The following SV2C variants were observed in gnomAD, a reference collection of about 807,000 sequenced individuals.
SV2C encodes synaptic vesicle glycoprotein 2C, also known as solute carrier family 22 member B3.
In SV2C, 49 loss-of-function variants were observed where a neutral mutation model predicts 79.7. The observed-to-expected ratio is 0.61, with a 90% CI of 0.49 to 0.78. The LOEUF is 0.78. SV2C is among the 30% of genes least tolerant of loss of function. SV2C has a pLI of 0.00. For missense variants in SV2C, 833 were observed against 912.9 expected (o/e 0.91, Z 1.13); for synonymous variants, 334 against 333.2 (o/e 1.00, Z -0.03).
chr5:75,847,859 C>T, the SV2C span, among the ~76,000 whole-genome samples: 1 of 152,150 alleles, frequency 6.6e-6, no homozygotes, highest in African/African-American at 2.4e-5. Flanking sequence ...CACCTATGCA[C>T]CTGTCTCCAC....
At chr5:76,069,862 A>T in the SV2C span, among the ~76,000 whole-genome samples, 4 of 150,688 alleles carry the variant, frequency 2.7e-5, no homozygotes, top group African/African-American at 9.7e-5. Flanking sequence ...ACACACAAAC[A>T]CACACACACA....
chr5:75,919,850 T>C, the SV2C span, among the ~76,000 whole-genome samples: 1 of 152,228 alleles, frequency 6.6e-6, no homozygotes, highest in East Asian at 1.9e-4. Flanking sequence ...TGCTTTGGTA[T>C]AATTTACTCT....
the SV2C span, among the ~76,000 whole-genome samples, chr5:75,953,002 G>T: frequency 1.3e-5 from 2 of 151,884 alleles, no homozygotes; most frequent in South Asian, 4.1e-4. Flanking sequence ...TGCTATAAAA[G>T]AATATCTGAT....
intron 4 of SV2C, among the ~76,000 whole-genome samples, chr5:76,243,895 G>T (rs776067242): frequency 2.0e-5 from 3 of 152,062 alleles, no homozygotes; most frequent in Non-Finnish European, 1.5e-5. Flanking sequence ...CTCTGAATAC[G>T]CCAAAAACAT....
chr5:75,911,749 G>C, the SV2C span: 1 of 624,098 alleles, frequency 1.6e-6, no homozygotes, highest in Non-Finnish European at 3.1e-6. Context: ...TAATAAGCTT[G>C]TCTTAGCTGA....
At chr5:76,284,098 T>C (rs1747274840) in intron 4 of SV2C, among the ~76,000 whole-genome samples, 1 of 152,228 alleles carries the variant, frequency 6.6e-6, no homozygotes, top group Admixed American at 6.5e-5. Flanking sequence ...TCAATTAGAT[T>C]TGATATGCCT....
the SV2C span, among the ~76,000 whole-genome samples, chr5:75,983,850 A>G: frequency 1.3e-5 from 2 of 152,234 alleles, no homozygotes. Flanking sequence ...AAAGGACTGA[A>G]AAGCACTTGT....
intron 4 of SV2C, among the ~76,000 whole-genome samples, chr5:76,230,023 GAGTT>G (rs1745365646): frequency 6.6e-6 from 1 of 152,186 alleles, no homozygotes; most frequent in South Asian, 2.1e-4. Flanking sequence ...TGAAAGGAGA[GAGTT>G]AGAGAATCTG....
chr5:75,888,365 C>G, the SV2C span, among the ~76,000 whole-genome samples: 1 of 151,468 alleles, frequency 6.6e-6, no homozygotes, highest in Non-Finnish European at 1.5e-5. Context: ...GAAATAAAAT[C>G]CAAACTCTTT....
the SV2C span, among the ~76,000 whole-genome samples, chr5:76,050,347 C>T: frequency 6.6e-6 from 1 of 152,156 alleles, no homozygotes; most frequent in Non-Finnish European, 1.5e-5. Context: ...ACAAACCCAG[C>T]AGGATGACAT....
the SV2C span, among the ~76,000 whole-genome samples, chr5:75,974,437 T>C: frequency 6.6e-6 from 1 of 152,126 alleles, no homozygotes; most frequent in African/African-American, 2.4e-5. Flanking sequence ...CCTTCAAAGA[T>C]ATATCCTTTG....
At chr5:76,054,409 T>C in the SV2C span, among the ~76,000 whole-genome samples, 2 of 152,212 alleles carry the variant, frequency 1.3e-5, no homozygotes, top group South Asian at 2.1e-4. Context: ...GGCATTTGAG[T>C]TGTTTCCAAG....
At chr5:76,216,684 A>C (rs1057278829) in intron 4 of SV2C, among the ~76,000 whole-genome samples, 1 of 152,164 alleles carries the variant, frequency 6.6e-6, no homozygotes, top group Non-Finnish European at 1.5e-5. Context: ...TTCAGAAATA[A>C]ATAAGCAGTA....
the SV2C span, among the ~76,000 whole-genome samples, chr5:75,908,514 G>A: frequency 6.6e-6 from 1 of 152,098 alleles, no homozygotes; most frequent in African/African-American, 2.4e-5. Flanking sequence ...AGTTTTATGT[G>A]CCAGGTGAGC....
At chr5:76,090,903 T>C (rs971973708) in intron 1 of SV2C, among the ~76,000 whole-genome samples, 1 of 152,174 alleles carries the variant, frequency 6.6e-6, no homozygotes, top group African/African-American at 2.4e-5. Flanking sequence ...GGAACAGCCA[T>C]GTATTTTGGC....
chr5:76,098,419 G>A (rs1043453955), intron 1 of SV2C, among the ~76,000 whole-genome samples: 2 of 152,192 alleles, frequency 1.3e-5, no homozygotes, highest in African/African-American at 4.8e-5. Context: ...AGTGACCCAG[G>A]ACTAAATAAC....
At chr5:75,979,996 A>G in the SV2C span, among the ~76,000 whole-genome samples, 1 of 152,192 alleles carries the variant, frequency 6.6e-6, no homozygotes, top group African/African-American at 2.4e-5. Flanking sequence ...ATAAGAAAAG[A>G]CAGAAGACGC....
chr5:76,135,075 G>T (rs2112194871), intron 2 of SV2C, among the ~76,000 whole-genome samples: 1 of 152,328 alleles, frequency 6.6e-6, no homozygotes, highest in East Asian at 1.9e-4. Flanking sequence ...GACTAAAGCA[G>T]TGGAGAGAAG....
the SV2C span, among the ~76,000 whole-genome samples, chr5:75,973,689 T>C: frequency 1.3e-5 from 2 of 152,082 alleles, no homozygotes; most frequent in East Asian, 3.9e-4. Flanking sequence ...ACAGACTATA[T>C]AGAAGAGTAA....
Sources: allele counts gnomAD v4.1 joint callset (sites outside exome capture counted in the v4.1 genomes callset), GRCh38; gene constraint gnomAD v4.1.1; transcripts MANE v1.5; gene names NCBI Gene and HGNC (gene_info 2026-07-23, HGNC 2026-07-21).